The following EFHC2 variants were observed in gnomAD, a reference collection of about 807,000 sequenced individuals.
The protein encoded by EFHC2 is EF-hand domain containing 2, also known as EF-hand domain-containing family member C2.
In EFHC2, 18 loss-of-function variants were observed where a neutral mutation model predicts 52.7. The ratio of observed to expected loss-of-function variants is 0.34; its 90% CI spans 0.24 to 0.51. EFHC2 has a LOEUF of 0.51. EFHC2 is among the 20% of genes least tolerant of loss of function. The pLI, the probability that EFHC2 is intolerant of heterozygous loss-of-function variation, is 0.97. For synonymous variants in EFHC2, 203 were observed against 204.1 expected, an observed-to-expected ratio of 0.99 and a Z score of 0.04; for missense variants, 513 against 562.5, an observed-to-expected ratio of 0.91 and a Z score of 0.89.
chrX:44,242,111 C>A lies in EFHC2; in HGVS notation c.1280+10G>T, dbSNP rs769681682. On this transcript the variant is annotated intron_variant, in intron 8 of 14. Coordinates refer to ENST00000420999, the MANE Select transcript of EFHC2 (RefSeq NM_025184.4). ...AAAGATCAGACTAAAATCATGGTTC[C>A]CTCAAGCACCTGTCTTTTTCCATAA... The A allele has an allele frequency of 2.0e-5, 24 of 1,171,132 alleles. No individual in the cohort carries two copies. The highest frequency in any genetic ancestry group is 2.7e-5 in the Non-Finnish European group (24 of 877,704).
chrX:44,224,422 C>T (rs182011546), intron 11 of EFHC2, among the ~76,000 whole-genome samples: 3 of 112,102 alleles, frequency 2.7e-5, no homozygotes, highest in Admixed American at 9.5e-5. Flanking sequence ...AGCAGCTTCC[C>T]CAAGGCCACT....
rs112425026 is a variant in EFHC2, at chrX:44,335,291, G to A, written c.42+8256C>T. On this transcript the variant is annotated intron_variant, in intron 1 of 14. Transcript: ENST00000420999. ...TTTCTTTAAGTTATTATGGAGAGAG[G>A]GAGAGAATAAGATTGAAGAGACAGA... 8.8e-3 allele frequency among the ~76,000 whole-genome samples: 971 copies of A among 110,487 alleles called. 6 individuals are homozygous for A. The highest frequency in any genetic ancestry group is 0.031 in the African/African-American group (929 of 30,395).
intron 13 of EFHC2, among the ~76,000 whole-genome samples, chrX:44,166,154 C>T (rs1399792398): frequency 8.9e-6 from 1 of 111,741 alleles, no homozygotes; most frequent in Non-Finnish European, 1.9e-5. Context: ...GAGTAGAACA[C>T]AGAGGGCAAG....
chrX:44,253,176 C>A (rs1347083632), intron 4 of EFHC2, among the ~76,000 whole-genome samples: 1 of 111,212 alleles, frequency 9.0e-6, no homozygotes, highest in East Asian at 2.8e-4. Context: ...ACCACCAGGG[C>A]CCTAGGTTTC....
At chrX:44,317,178 A>G (rs997822725) in intron 1 of EFHC2, among the ~76,000 whole-genome samples, 1 of 111,533 alleles carries the variant, frequency 9.0e-6, no homozygotes, top group Non-Finnish European at 1.9e-5. Flanking sequence ...AGTAGGGAGG[A>G]GGAGGTAATG....
chrX:44,313,913 C>A (rs1045927445), intron 1 of EFHC2, among the ~76,000 whole-genome samples: 1 of 111,395 alleles, frequency 9.0e-6, no homozygotes, highest in Admixed American at 9.6e-5. Flanking sequence ...CGAAATCATG[C>A]CACTGCACTC....
intron 2 of EFHC2, among the ~76,000 whole-genome samples, chrX:44,294,119 T>C (rs781735876): frequency 4.5e-5 from 5 of 111,208 alleles, no homozygotes; most frequent in African/African-American, 1.6e-4. Context: ...TTTCTTCCCT[T>C]GGGATGCTGA....
intron 1 of EFHC2, among the ~76,000 whole-genome samples, chrX:44,328,589 C>T (rs963287363): frequency 2.7e-5 from 3 of 112,112 alleles, no homozygotes; most frequent in African/African-American, 9.7e-5. Context: ...GTGACCCCCA[C>T]CTTTTTCTGC....
rs1394203219 is a variant in EFHC2 at position 44,342,882 on chromosome X, A to AAAAAAAAAAG, written c.42+664_42+665insCTTTTTTTTT. Among the ~76,000 whole-genome samples, 8 of 107,926 alleles carry AAAAAAAAAAG rather than the reference A, an allele frequency of 7.4e-5. 1 individual carries two copies. The highest frequency in any genetic ancestry group is 1.2e-4 in the Non-Finnish European group (6 of 52,144). 93.7% of individuals were successfully genotyped at this position (107,926 alleles called of 115,157 possible). ...CAGAGCGAGACTCCGTCTCAAAAAA[A>AAAAAAAAAAG]AAAAAAGAAATGAACCCCTCCCAAT... On this transcript the variant is annotated intron_variant, in intron 1 of 14. Coordinates refer to ENST00000420999, the MANE Select transcript of EFHC2 (RefSeq NM_025184.4).
intron 3 of EFHC2, among the ~76,000 whole-genome samples, chrX:44,262,797 G>A (rs1235260578): frequency 9.0e-6 from 1 of 111,319 alleles, no homozygotes; most frequent in Non-Finnish European, 1.9e-5. Context: ...ATTTGTACAT[G>A]CAGTGGGTTA....
intron 2 of EFHC2, among the ~76,000 whole-genome samples, chrX:44,280,574 G>A (rs1205337467): frequency 8.9e-6 from 1 of 111,782 alleles, no homozygotes; most frequent in Admixed American, 9.5e-5. Flanking sequence ...GCAAGAAAGA[G>A]ACAAAAATTA....
chrX:44,159,747 G>A (rs761985098), intron 14 of EFHC2, among the ~76,000 whole-genome samples: 9 of 112,660 alleles, frequency 8.0e-5, no homozygotes, highest in Non-Finnish European at 1.5e-4. Flanking sequence ...AAGCACAGCT[G>A]TTTCTGATGT....
chrX:44,281,528 C>G (rs976191853), intron 2 of EFHC2, among the ~76,000 whole-genome samples: 2 of 111,597 alleles, frequency 1.8e-5, no homozygotes, highest in African/African-American at 3.3e-5. Context: ...AAAATCCAAC[C>G]CAAATATCAG....
intron 11 of EFHC2, among the ~76,000 whole-genome samples, chrX:44,184,164 C>A (rs909532667): frequency 2.7e-5 from 3 of 111,903 alleles, no homozygotes; most frequent in Non-Finnish European, 5.6e-5. Context: ...TGATGGCTTA[C>A]AAGGCCTGAC....
intron 7 of EFHC2, among the ~76,000 whole-genome samples, chrX:44,246,019 C>A (rs2037398319): frequency 9.0e-6 from 1 of 111,357 alleles, no homozygotes; most frequent in Non-Finnish European, 1.9e-5. Flanking sequence ...CAATTATTGA[C>A]AAAGGAGGAA....
At chrX:44,241,501 G>A (rs1344787635) in intron 8 of EFHC2, among the ~76,000 whole-genome samples, 7 of 112,126 alleles carry the variant, frequency 6.2e-5, no homozygotes, top group Admixed American at 2.8e-4. Flanking sequence ...GCAGGGGTTG[G>A]CAAACCACAG....
intron 2 of EFHC2, among the ~76,000 whole-genome samples, chrX:44,302,325 G>A (rs971519209): frequency 8.9e-6 from 1 of 111,822 alleles, no homozygotes; most frequent in African/African-American, 3.3e-5. Flanking sequence ...CTGAGGGAAG[G>A]GCCTTAAAAT....
Position 44,177,372 on chromosome X carries a change from G to A in EFHC2, c.1950-988C>T, listed in dbSNP as rs770066320. Among the ~76,000 whole-genome samples the A allele has an allele frequency of 2.0e-4, 23 of 112,408 alleles. 1 individual carries two copies. The highest frequency in any genetic ancestry group is 3.8e-4 in the Non-Finnish European group (20 of 53,303). On this transcript the variant is annotated intron_variant, in intron 12 of 14. Transcript: ENST00000420999. ...ACACAGATATTCAGGGAATGCAGTTGGCCACTTGGGTTCAGACTTCAAGTT... is the reference window on the plus strand; with the variant it reads ...ACACAGATATTCAGGGAATGCAGTTAGCCACTTGGGTTCAGACTTCAAGTT...
At chrX:44,339,339 A>G (rs1229399667) in intron 1 of EFHC2, among the ~76,000 whole-genome samples, 1 of 112,039 alleles carries the variant, frequency 8.9e-6, no homozygotes, top group Non-Finnish European at 1.9e-5. Flanking sequence ...AATATTTTCA[A>G]TTTTGATAAT....
Sources: allele counts gnomAD v4.1 joint callset (sites outside exome capture counted in the v4.1 genomes callset), GRCh38; gene constraint gnomAD v4.1.1; transcripts MANE v1.5; gene names NCBI Gene and HGNC (gene_info 2026-07-23, HGNC 2026-07-21).